Variants in PRKG1 observed in about 807,000 individuals in gnomAD.
PRKG1 encodes the protein cGMP-dependent protein kinase 1.
Under a neutral mutation model 88.1 loss-of-function variants are expected in PRKG1, and 35 were observed. That is an observed-to-expected ratio of 0.40 (90% confidence interval 0.30 to 0.53). PRKG1 has a LOEUF of 0.53. PRKG1 is among the 20% of genes least tolerant of loss of function. PRKG1 has a pLI of 0.59. For missense variants in PRKG1, 540 were observed against 839.8 expected (o/e 0.64, Z 4.41); for synonymous variants, 303 against 292.5 (o/e 1.04, Z -0.37).
At chr10:52,113,482 T>G (rs998433504) in intron 7 of PRKG1, among the ~76,000 whole-genome samples, 3 of 151,124 alleles carry the variant, frequency 2.0e-5, no homozygotes, top group African/African-American at 7.3e-5. Flanking sequence ...TCAAATGAAT[T>G]TTGAATTAGG....
intron 9 of PRKG1, among the ~76,000 whole-genome samples, chr10:52,223,729 C>T (rs905497033): frequency 3.3e-5 from 5 of 152,132 alleles, no homozygotes; most frequent in African/African-American, 1.2e-4. Flanking sequence ...CAAAACTGAA[C>T]TACTTTTTCT....
chr10:51,565,099 G>A (rs7342037), intron 3 of PRKG1, among the ~76,000 whole-genome samples: 10,518 of 152,044 alleles, frequency 0.069, 1,185 homozygotes, highest in African/African-American at 0.24. Context: ...CAAAATAAGC[G>A]TTGATAATTG....
intron 2 of PRKG1, among the ~76,000 whole-genome samples, chr10:51,311,724 T>C (rs1360145069): frequency 6.6e-6 from 1 of 152,222 alleles, no homozygotes; most frequent in East Asian, 1.9e-4. Flanking sequence ...TGTTGGCTTG[T>C]TCTGATTTCC....
At chr10:52,221,246 TTCTTG>T (rs1840237825) in intron 9 of PRKG1, among the ~76,000 whole-genome samples, 1 of 152,158 alleles carries the variant, frequency 6.6e-6, no homozygotes, top group Non-Finnish European at 1.5e-5. Context: ...TTACTCCCGA[TTCTTG>T]CCTCACAGAA....
At chr10:51,356,069 G>C (rs565983731) in intron 2 of PRKG1, among the ~76,000 whole-genome samples, 1 of 152,038 alleles carries the variant, frequency 6.6e-6, no homozygotes, top group South Asian at 2.1e-4. Context: ...TCCCATCATA[G>C]AATTCACCTT....
At chr10:51,955,488 A>G (rs947719034) in intron 5 of PRKG1, among the ~76,000 whole-genome samples, 1 of 152,188 alleles carries the variant, frequency 6.6e-6, no homozygotes, top group Non-Finnish European at 1.5e-5. Flanking sequence ...TCTAAAAATC[A>G]ATTTCTTACT....
At chr10:52,293,661 G>T (rs1842319618) in intron 17 of PRKG1, 141 bp from the exon 18 acceptor site, 1 of 648,572 alleles carries the variant, frequency 1.5e-6, no homozygotes. Context: ...ACTTACCACT[G>T]TGACCCTCAA....
At chr10:51,401,610 T>G (rs909721577) in intron 2 of PRKG1, among the ~76,000 whole-genome samples, 2 of 152,148 alleles carry the variant, frequency 1.3e-5, no homozygotes, top group Non-Finnish European at 2.9e-5. Flanking sequence ...GTTTGTTTGT[T>G]TTTACAGTTC....
At chr10:51,464,620 G>A (rs112897243) in intron 2 of PRKG1, among the ~76,000 whole-genome samples, 13,012 of 151,870 alleles carry the variant, frequency 0.086, 646 homozygotes, top group Middle Eastern at 0.17. Flanking sequence ...GGCCGGGTGC[G>A]GTGGCTCACG....
chr10:51,199,193 G>T (rs931735358), intron 2 of PRKG1, among the ~76,000 whole-genome samples: 1 of 152,136 alleles, frequency 6.6e-6, no homozygotes, highest in Non-Finnish European at 1.5e-5. Context: ...TGGGAGGGGA[G>T]GTATCAGTCT....
chr10:52,113,427 G>A (rs1214108328), intron 7 of PRKG1, among the ~76,000 whole-genome samples: 1 of 152,076 alleles, frequency 6.6e-6, no homozygotes, highest in East Asian at 1.9e-4. Context: ...GAACAGAAGG[G>A]AGGGAGGGAA....
At chr10:51,999,186 A>G (rs1243885743) in intron 5 of PRKG1, among the ~76,000 whole-genome samples, 2 of 152,204 alleles carry the variant, frequency 1.3e-5, no homozygotes, top group African/African-American at 2.4e-5. Flanking sequence ...CTCTTTCCCA[A>G]GCTAAATCTC....
intron 3 of PRKG1, among the ~76,000 whole-genome samples, chr10:51,570,787 A>G (rs537881591): frequency 1.8e-4 from 27 of 152,008 alleles, no homozygotes; most frequent in African/African-American, 6.3e-4. Flanking sequence ...GAAGCCAGAC[A>G]AAAGAAATGA....
chr10:52,030,608 T>G (rs1257317914), intron 5 of PRKG1, among the ~76,000 whole-genome samples: 1 of 152,166 alleles, frequency 6.6e-6, no homozygotes, highest in African/African-American at 2.4e-5. Flanking sequence ...GCTAACAGTT[T>G]GGCAGCAAGG....
chr10:51,240,391 A>T (rs1839120777), intron 2 of PRKG1, among the ~76,000 whole-genome samples: 1 of 152,172 alleles, frequency 6.6e-6, no homozygotes. Flanking sequence ...TGCCTGAGAA[A>T]AGATTACTAA....
chr10:51,790,627 G>A lies in PRKG1; in HGVS notation c.593-13958G>A, dbSNP rs538444932. On this transcript the variant is annotated intron_variant, in intron 3 of 17. Coordinates refer to ENST00000373980, the MANE Select transcript of PRKG1 (RefSeq NM_006258.4). ...TAGAGTCTTTAAATTTGTTCATAGA[G>A]CATTGATCTTATGAGACACCATTTC... is the stretch of plus-strand genomic sequence containing the variant. Among the ~76,000 whole-genome samples the A allele has an allele frequency of 7.9e-5, 12 of 152,194 alleles. No homozygotes were observed. The South Asian group carries it at 2.1e-3, about 26-fold the overall frequency.
At chr10:51,150,000 T>C (rs1290834078) in intron 1 of PRKG1, among the ~76,000 whole-genome samples, 1 of 152,040 alleles carries the variant, frequency 6.6e-6, no homozygotes, top group Admixed American at 6.6e-5. Flanking sequence ...CTTTTATGGG[T>C]GTTTAGATTT....
intron 8 of PRKG1, among the ~76,000 whole-genome samples, chr10:52,136,409 A>G (rs11000903): frequency 0.15 from 22,947 of 151,884 alleles, 2,664 homozygotes; most frequent in African/African-American, 0.32. Context: ...ACTTAGATGG[A>G]GTTAATCTTG....
chr10:51,698,445 C>CAG, intron 3 of PRKG1: 2 of 1,614,124 alleles, frequency 1.2e-6, no homozygotes, highest in Non-Finnish European at 1.7e-6. Flanking sequence ...GTGTCATGAC[C>CAG]AGAGGCATGA....
Sources: gnomAD v4.1 joint callset for allele counts (sites outside exome capture counted in the v4.1 genomes callset) on GRCh38, gnomAD v4.1.1 for gene constraint, MANE v1.5 for transcripts, NCBI Gene and HGNC (gene_info 2026-07-23, HGNC 2026-07-21) for gene names.